MAPKBP1: variants seen among roughly 807,000 people sequenced by gnomAD.
The protein encoded by MAPKBP1 is mitogen-activated protein kinase-binding protein 1.
MAPKBP1 carries 71 observed loss-of-function variants against 170.5 expected under a neutral mutation model. The observed-to-expected ratio is 0.42, with a 90% CI of 0.34 to 0.51. MAPKBP1 has a LOEUF of 0.51. Among genes scored for constraint, MAPKBP1 ranks in the 20% least tolerant of loss-of-function variants. MAPKBP1 has a pLI of 0.06. For missense variants in MAPKBP1, 1,598 were observed against 1,933.0 expected, an observed-to-expected ratio of 0.83 and a Z score of 3.25; for synonymous variants, 719 against 757.9, an observed-to-expected ratio of 0.95 and a Z score of 0.84.
At chr15:41,785,771 ATACCCT>A (rs1754311884) in intron 2 of MAPKBP1, among the ~76,000 whole-genome samples, 1 of 152,216 alleles carries the variant, frequency 6.6e-6, no homozygotes. Context: ...AGGTGCAATC[ATACCCT>A]TACACTACTG....
At chr15:41,819,551 G>GGGGGGC (rs2064954898) in intron 21 of MAPKBP1, 44 bp from the exon 22 acceptor site, 13 of 1,515,398 alleles carry the variant, frequency 8.6e-6, no homozygotes, top group Non-Finnish European at 1.1e-5. Flanking sequence ...GGGTGGCGGG[G>GGGGGGC]GGGGGGCAGG....
At chr15:41,810,647 A>G (rs12441300) in intron 3 of MAPKBP1, 137,990 of 456,026 alleles carry the variant, frequency 0.3, 23,765 homozygotes, top group Admixed American at 0.37. Flanking sequence ...TGAACCTGCA[A>G]GTTGAGGCTG....
At position 41,818,467 on chromosome 15, in the gene MAPKBP1, CTTGG is replaced by C; in HGVS notation, c.2093-47_2093-44del. 1 of 1,573,202 alleles carries C rather than the reference CTTGG, an allele frequency of 6.4e-7. No individual in the cohort carries two copies. The highest frequency in any genetic ancestry group is 1.1e-5 in the South Asian group (1 of 87,346). The stretch of plus-strand genomic sequence containing the variant: ...GTGTCCACTGTTGGGATGGAGAGGA[CTTGG>C]TTGGGAATTTAAGGTGGCTTATAGA... On this transcript the variant is annotated intron_variant, in intron 18 of 30. Coordinates refer to ENST00000457542, the MANE Select transcript of MAPKBP1 (RefSeq NM_014994.3). This position sits in a 1 kb window ranked among gnomAD's most constrained non-coding sequence, Gnocchi z 5.2.
At chr15:41,800,584 C>T (rs546507402) in intron 3 of MAPKBP1, among the ~76,000 whole-genome samples, 2 of 152,310 alleles carry the variant, frequency 1.3e-5, no homozygotes, top group East Asian at 1.9e-4. Flanking sequence ...ATCCACCTGC[C>T]TCAGCCACCC....
chr15:41,809,929 G>T (rs1395949565), intron 3 of MAPKBP1, among the ~76,000 whole-genome samples: 1 of 152,212 alleles, frequency 6.6e-6, no homozygotes, highest in East Asian at 1.9e-4. Context: ...TCAGGGTGGG[G>T]CTTGGGACCT....
chr15:41,826,830 C>T lies in MAPKBP1; in HGVS notation c.*1394C>T, dbSNP rs1342680918. ...GGTGAGGGAAAGGAGATAGGGGACC[C>T]TAGGAGGTAGAGTGGGACCATGTCG... On this transcript the variant is annotated 3_prime_UTR_variant, in exon 31 of 31. Transcript: ENST00000457542. 2.6e-5 allele frequency: 4 copies of T among 151,854 alleles called. No individual in the cohort carries two copies. In the East Asian group the frequency reaches 7.7e-4, roughly 29 times the overall value. The allele number at this position is 151,854 out of a possible 1,614,324, so 9.4% of individuals were successfully genotyped here. A position where few individuals can be genotyped will look rare whatever the true frequency, so the allele number is the denominator to read the frequency against.
Position 41,811,185 on chromosome 15 carries a change from A to G in MAPKBP1, c.277A>G (p.Ile93Val), listed in dbSNP as rs759810955. The G allele has an allele frequency of 6.2e-7, 1 of 1,614,252 alleles. No individual in the cohort carries two copies. The highest frequency in any genetic ancestry group is 8.5e-7 in the Non-Finnish European group (1 of 1,180,044). The change falls in exon 5 of 31, where the codon ATC (isoleucine) becomes GTC (valine). Residue 93 changes from isoleucine (I) to valine (V), a missense_variant. By Grantham distance (29) the Ile-to-Val change is conservative. Coordinates refer to ENST00000457542, the MANE Select transcript of MAPKBP1 (RefSeq NM_014994.3). ...HHILNSSRKT[I>V]TALAFSPDGK... ...CTGCCCCATCTCTTGCAGGAAAACC[A>G]TCACTGCCCTTGCCTTCTCCCCTGA...
At chr15:41,786,517 C>A (rs963681473) in intron 2 of MAPKBP1, among the ~76,000 whole-genome samples, 2 of 151,700 alleles carry the variant, frequency 1.3e-5, no homozygotes, top group African/African-American at 4.8e-5. Flanking sequence ...GTAATCCCAG[C>A]ACTTTGGGAG....
In MAPKBP1 at chr15:41,815,267, C is replaced by T. The variant is rs936137674; in HGVS notation, c.1179C>T (p.Pro393=). 6.2e-6 allele frequency: 10 copies of T among 1,614,068 alleles called. No homozygotes were observed. Among genetic ancestry groups the T allele is most frequent in the African/African-American group, 4.0e-5 (3 of 74,906 alleles). ...TCCCTCGGCCTCTTCAGGTCTACCCCGAGGTGAAGGATAGTAACCAGGCCT... is the reference window on the plus strand; with the variant it reads ...TCCCTCGGCCTCTTCAGGTCTACCCTGAGGTGAAGGATAGTAACCAGGCCT... The part of the protein sequence containing the change: ...SSCVWSVEVY[P]EVKDSNQACL... Residue 393 remains proline (P), a synonymous_variant, in exon 11 of 31, where the codon CCC becomes CCT. Coordinates refer to ENST00000457542, the MANE Select transcript of MAPKBP1 (RefSeq NM_014994.3).
chr15:41,822,585 C>T lies in MAPKBP1; in HGVS notation c.3230-8C>T, dbSNP rs1377614978. ...TGCCCCAATTCATGATTTCTCTGAC[C>T]TTGGTAGGGGCCCCAGTGCAGGTCC... On this transcript the variant is annotated splice_polypyrimidine_tract_variant and splice_region_variant and intron_variant, in intron 26 of 30. Transcript: ENST00000457542. 1.2e-6 allele frequency: 2 copies of T among 1,613,752 alleles called. No individual in the cohort carries two copies. Among genetic ancestry groups the T allele is most frequent in the East Asian group, 4.5e-5 (2 of 44,878 alleles).
At position 41,819,549 on chromosome 15, in the gene MAPKBP1, G is replaced by GGGGGT. The variant is rs1555454039; in HGVS notation, c.2426-42_2426-41insTGGGG. ...GCCAGGGCTCCAGGGTTGGGTGGCG[G>GGGGGT]GGGGGGGGCAGGAGACACTTCCTCT... On this transcript the variant is annotated intron_variant, in intron 21 of 30. Transcript: ENST00000457542. The GGGGGT allele has an allele frequency of 5.0e-5, 72 of 1,448,672 alleles. 1 individual carries two copies. Among genetic ancestry groups the GGGGGT allele is most frequent in the African/African-American group, 6.2e-5 (3 of 48,064 alleles). 89.7% of individuals were successfully genotyped at this position (1,448,672 alleles called of 1,614,324 possible).
rs1185106190 is a variant in MAPKBP1, at chr15:41,819,231, T to A, written c.2292-15T>A. On this transcript the variant is annotated splice_polypyrimidine_tract_variant and intron_variant, in intron 20 of 30. Transcript: ENST00000457542. ...GAGTCTCCTCTCCCCATGCCCTTCC[T>A]TGTCTCGGACTCAGGCACCAGGCCC... is the stretch of plus-strand genomic sequence containing the variant. 1 of 1,612,454 alleles carries A rather than the reference T, an allele frequency of 6.2e-7. No homozygotes were observed. Among genetic ancestry groups the A allele is most frequent in the Non-Finnish European group, 8.5e-7 (1 of 1,178,796 alleles).
rs528894608 is a variant in MAPKBP1, at chr15:41,805,187, G to A, written c.206+5273G>A. Among the ~76,000 whole-genome samples the A allele has an allele frequency of 2.0e-5, 3 of 152,364 alleles. No homozygotes were observed. The South Asian group carries it at 6.2e-4, about 32-fold the overall frequency. On this transcript the variant is annotated intron_variant, in intron 3 of 30. Transcript: ENST00000457542. Reference sequence around the variant, plus strand: ...AGCACAGGAAAGGAGGGTGGGCAGTGTGTCAGGCAGAGGTGGGTAGGAGCT... The same window carrying A: ...AGCACAGGAAAGGAGGGTGGGCAGTATGTCAGGCAGAGGTGGGTAGGAGCT...
In MAPKBP1 at chr15:41,813,757, A is replaced by T; in HGVS notation, c.956A>T (p.Asp319Val). 6.2e-7 allele frequency: 1 copy of T among 1,607,530 alleles called. No individual in the cohort carries two copies. The highest frequency in any genetic ancestry group is 8.5e-7 in the Non-Finnish European group (1 of 1,177,190). Residue 319 changes from aspartate (D) to valine (V), a missense_variant, in exon 9 of 31, where the codon GAC (aspartate) becomes GTC (valine). Physicochemically the swap from Asp to Val is radical, Grantham distance 152. Transcript: ENST00000457542. Reference sequence around the variant, plus strand: ...CCCCGACCCCATGCTCTGGGGACAGACATTGCTAGCGTCACCGAGGCCAGG... The same window carrying T: ...CCCCGACCCCATGCTCTGGGGACAGTCATTGCTAGCGTCACCGAGGCCAGG... ...TLPRPHALGTDIASVTEASRL... is the reference protein window; with the variant it reads ...TLPRPHALGTVIASVTEASRL...
intron 3 of MAPKBP1, among the ~76,000 whole-genome samples, chr15:41,802,038 T>C (rs2064604159): frequency 6.6e-6 from 1 of 152,162 alleles, no homozygotes; most frequent in Non-Finnish European, 1.5e-5. Context: ...CTACATGGTG[T>C]AGCCGGTTGC....
chr15:41,799,373 C>G (rs2064550061), intron 2 of MAPKBP1, among the ~76,000 whole-genome samples: 1 of 152,112 alleles, frequency 6.6e-6, no homozygotes, highest in Non-Finnish European at 1.5e-5. Flanking sequence ...TAATTGATAC[C>G]TAACATTCTT....
In MAPKBP1 at chr15:41,817,361, G is replaced by A; in HGVS notation, c.1712-27G>A. On this transcript the variant is annotated intron_variant, in intron 14 of 30. Transcript: ENST00000457542. The surrounding 1 kb of genome is among the most constrained non-coding windows in gnomAD (Gnocchi z 4.2). ...TGCTCCCATGTGGTGAGAACAGTGG[G>A]AACAGCTGGGCTTCCCTCCTTCATA... The A allele has an allele frequency of 6.2e-7, 1 of 1,612,664 alleles. No individual in the cohort carries two copies. Among genetic ancestry groups the A allele is most frequent in the Non-Finnish European group, 8.5e-7 (1 of 1,178,658 alleles).
rs1228551707 is a variant in MAPKBP1, at chr15:41,780,182, G to A, written c.114+4793G>A. On this transcript the variant is annotated intron_variant, in intron 2 of 30. Transcript: ENST00000457542. ...TCCAAGTTTTTCTCTCTTTCAGTTT[G>A]CAATTTAGGGCAGGTTCCCTTCTTG... is the stretch of plus-strand genomic sequence containing the variant. 5.3e-5 allele frequency among the ~76,000 whole-genome samples: 8 copies of A among 152,192 alleles called. 1 individual carries two copies. The highest frequency in any genetic ancestry group is 5.2e-4 in the Admixed American group (8 of 15,280).
chr15:41,814,030 G>A (rs972690878), intron 9 of MAPKBP1, among the ~76,000 whole-genome samples: 3 of 152,196 alleles, frequency 2.0e-5, no homozygotes, highest in Admixed American at 6.5e-5. Flanking sequence ...GTTTGCGTTG[G>A]GTGATTTTAG....
Sources: gnomAD v4.1 joint callset for allele counts (sites outside exome capture counted in the v4.1 genomes callset) on GRCh38, gnomAD v4.1.1 for gene constraint, Gnocchi (gnomAD v3.1) non-coding constraint, MANE v1.5 for transcripts, NCBI Gene and HGNC (gene_info 2026-07-23, HGNC 2026-07-21) for gene names.